Variants in MMRN1 observed in about 807,000 individuals in gnomAD.
MMRN1 encodes the protein multimerin-1.
MMRN1 carries 94 observed loss-of-function variants against 100.7 expected under a neutral mutation model. The observed-to-expected ratio is 0.93, with a 90% CI of 0.79 to 1.11. The LOEUF (loss-of-function observed/expected upper bound fraction) is 1.11. Ranked by LOEUF, MMRN1 falls within the 50% of genes least tolerant of loss-of-function variation. The probability of loss-of-function intolerance (pLI) is 0.00; values close to 1 mark genes in which losing one functional copy is unlikely to be tolerated. For missense variants in MMRN1, 1,606 were observed against 1,439.1 expected (o/e 1.12, Z -1.88); for synonymous variants, 575 against 505.0 (o/e 1.14, Z -1.86).
In MMRN1 at chr4:89,899,178, G is replaced by A. The variant is rs149202456; in HGVS notation, c.623+3584G>A. 1.9e-4 allele frequency among the ~76,000 whole-genome samples: 29 copies of A among 151,560 alleles called. No homozygotes were observed. The South Asian group carries it at 2.9e-3, about 15-fold the overall frequency. On this transcript the variant is annotated intron_variant, in intron 1 of 7. Transcript: ENST00000264790. The stretch of plus-strand genomic sequence containing the variant: ...TTCTAGATTATTCAGGATTATTCTG[G>A]CATATTTTTGTTTCATCTTGTAGTT...
chr4:89,893,410 T>C (rs973983118), upstream of MMRN1, among the ~76,000 whole-genome samples: 4 of 152,056 alleles, frequency 2.6e-5, no homozygotes, highest in South Asian at 8.3e-4. Flanking sequence ...CAAGGAAGAA[T>C]TAGGCCTTAT....
intron 7 of MMRN1, 139 bp downstream of exon 7, chr4:89,951,890 C>A: frequency 1.0e-6 from 1 of 960,934 alleles, no homozygotes; most frequent in East Asian, 3.0e-5. Context: ...TCGAAACTTA[C>A]TGAAGAATGT....
rs773822697 is a variant in MMRN1, at chr4:89,895,577, C to A, written c.606C>A (p.Phe202Leu). 5 of 1,613,334 alleles carry A rather than the reference C, an allele frequency of 3.1e-6. No homozygotes were observed. Among genetic ancestry groups the A allele is most frequent in the Non-Finnish European group, 4.2e-6 (5 of 1,179,668 alleles). The change falls in exon 1 of 8, where the codon TTC becomes TTA. Residue 202 changes from phenylalanine to leucine, a missense_variant. Coordinates refer to ENST00000264790, the MANE Select transcript of MMRN1 (RefSeq NM_007351.3). ...SQRTDYQKSN[F>L]ETTRGKNWCA... The stretch of plus-strand genomic sequence containing the variant: ...GAACTGACTACCAAAAATCAAATTT[C>A]GAAACAACTAGAGGAAAGTAAGAAA...
Position 89,895,035 on chromosome 4 carries a change from A to G in MMRN1, c.64A>G (p.Asn22Asp). The G allele has an allele frequency of 6.2e-7, 1 of 1,613,886 alleles. No homozygotes were observed. The highest frequency in any genetic ancestry group is 2.2e-5 in the East Asian group (1 of 44,854). ...ATGGAGTGGGGGCATTGGGCTTAAC[A>G]ACAGTAAGCATTCTTGGACTATACC... The part of the protein sequence containing the change: ...SLWSGGIGLN[N>D]SKHSWTIPED... Residue 22 changes from asparagine (N) to aspartate (D), a missense_variant, in exon 1 of 8, where the codon AAC becomes GAC. Physicochemically the swap from Asn to Asp is conservative, Grantham distance 23. Transcript: ENST00000264790.
intron 7 of MMRN1, among the ~76,000 whole-genome samples, chr4:89,952,641 A>T (rs1192590358): frequency 6.6e-6 from 1 of 152,228 alleles, no homozygotes; most frequent in Non-Finnish European, 1.5e-5. Context: ...GCTTTAAAAC[A>T]TTCTGACATA....
At chr4:89,923,023 G>A (rs1722138573) in intron 3 of MMRN1, 145 bp from the exon 4 acceptor site, 8 of 652,936 alleles carry the variant, frequency 1.2e-5, no homozygotes, top group Admixed American at 2.8e-5. Context: ...GGTTGGGGGC[G>A]GAGCAGCTTA....
chr4:89,953,281 G>T lies in MMRN1; in HGVS notation c.3550G>T (p.Asp1184Tyr), dbSNP rs753756470. 2.5e-6 allele frequency: 4 copies of T among 1,613,900 alleles called. No homozygotes were observed. Among genetic ancestry groups the T allele is most frequent in the Non-Finnish European group, 3.4e-6 (4 of 1,179,836 alleles). ...SENINSEIHC[D>Y]RVLTGDALLE... ...AAATATTAACAGTGAAATACACTGTGATAGGGTTTTAACTGGGGATGCCTT... is the reference window on the plus strand; with the variant it reads ...AAATATTAACAGTGAAATACACTGTTATAGGGTTTTAACTGGGGATGCCTT... The change falls in exon 8 of 8, where the codon GAT becomes TAT. Residue 1184 changes from aspartate to tyrosine, a missense_variant. By Grantham distance (160) the Asp-to-Tyr change is radical. Coordinates refer to ENST00000264790, the MANE Select transcript of MMRN1 (RefSeq NM_007351.3).
At position 89,936,471 on chromosome 4, in the gene MMRN1, T is replaced by C. The variant is rs766527054; in HGVS notation, c.2791T>C (p.Cys931Arg). ...NKTLHEVLTM[C>R]HNASTSVSEL... ...AACTCTCCACGAAGTTTTAACAATG[T>C]GTCACAATGCTTCTACAAGTGTGTC... The change falls in exon 6 of 8, where the codon TGT becomes CGT. Residue 931 changes from cysteine to arginine, a missense_variant. Transcript: ENST00000264790. 6 of 1,613,080 alleles carry C rather than the reference T, an allele frequency of 3.7e-6. No individual in the cohort carries two copies. In the South Asian group the frequency reaches 6.6e-5, roughly 18 times the overall value.
At chr4:89,897,325 C>A (rs1245548681) in intron 1 of MMRN1, among the ~76,000 whole-genome samples, 1 of 152,062 alleles carries the variant, frequency 6.6e-6, no homozygotes, top group Non-Finnish European at 1.5e-5. Context: ...TCTCTTGCCT[C>A]AGCCTTCTGA....
rs746417980 is a variant in MMRN1, at chr4:89,934,996, C to A, written c.1316C>A (p.Ala439Asp). The change falls in exon 6 of 8, where the codon GCC (alanine) becomes GAC (aspartate). Residue 439 changes from alanine to aspartate, a missense_variant. Coordinates refer to ENST00000264790, the MANE Select transcript of MMRN1 (RefSeq NM_007351.3). ...AATGAATCTGTGGTTTCAATAGCAG[C>A]CCAGCAAAAGTTTGTTTTGGTGCAA... ...KVNESVVSIA[A>D]QQKFVLVQEN... is the part of the protein sequence containing the mutation. 2.5e-6 allele frequency: 4 copies of A among 1,612,708 alleles called. No individual in the cohort carries two copies. In the Admixed American group the frequency reaches 6.7e-5, roughly 27 times the overall value.
chr4:89,915,287 A>G (rs1246270407), intron 3 of MMRN1, among the ~76,000 whole-genome samples: 3 of 151,628 alleles, frequency 2.0e-5, no homozygotes, highest in Non-Finnish European at 1.5e-5. Context: ...CTTTCACAAT[A>G]AAATTATGAT....
intron 1 of MMRN1, among the ~76,000 whole-genome samples, chr4:89,885,599 T>G (rs1207637276): frequency 6.6e-6 from 1 of 152,114 alleles, no homozygotes; most frequent in Non-Finnish European, 1.5e-5. Context: ...GATTTTTAGT[T>G]TTCTAAATGT....
intron 1 of MMRN1, among the ~76,000 whole-genome samples, chr4:89,907,525 T>A (rs2110593029): frequency 6.6e-6 from 1 of 151,578 alleles, no homozygotes; most frequent in Admixed American, 6.6e-5. Context: ...GTTGATTTTT[T>A]TAAAAAACAA....
At position 89,934,822 on chromosome 4, in the gene MMRN1, A is replaced by G; in HGVS notation, c.1142A>G (p.Lys381Arg). 6.8e-7 allele frequency: 1 copy of G among 1,478,572 alleles called. No homozygotes were observed. The highest frequency in any genetic ancestry group is 9.0e-7 in the Non-Finnish European group (1 of 1,109,078). The allele number at this position is 1,478,572 out of a possible 1,614,324, so 91.6% of individuals were successfully genotyped here. A position where few individuals can be genotyped will look rare whatever the true frequency, so the allele number is the denominator to read the frequency against. Residue 381 changes from lysine (K) to arginine (R), a missense_variant, in exon 6 of 8, where the codon AAA becomes AGA. Transcript: ENST00000264790. ...TTTCTTTCTCTAGGTCTAAAATCCA[A>G]AAGCATTAATGTACTGATAAGAGAC... is the stretch of plus-strand genomic sequence containing the variant. ...FQSLLKGLKS[K>R]SINVLIRDIV...
intron 3 of MMRN1, among the ~76,000 whole-genome samples, chr4:89,912,941 T>G (rs1721801245): frequency 6.6e-6 from 1 of 151,248 alleles, no homozygotes; most frequent in Non-Finnish European, 1.5e-5. Context: ...CATAATGCTA[T>G]TTGTTCTGGG....
intron 1 of MMRN1, 96 bp from the exon 2 acceptor site, chr4:89,909,180 A>G (rs1721661624): frequency 7.6e-7 from 1 of 1,320,898 alleles, no homozygotes; most frequent in Admixed American, 2.2e-5. Context: ...GATCTATAGT[A>G]TGGCAAAAAT....
chr4:89,945,055 T>G (rs1722946302), intron 6 of MMRN1, among the ~76,000 whole-genome samples: 1 of 152,180 alleles, frequency 6.6e-6, no homozygotes, highest in African/African-American at 2.4e-5. Context: ...TGATCTGTTT[T>G]CTTCCCAGAC....
intron 3 of MMRN1, among the ~76,000 whole-genome samples, chr4:89,914,069 C>G (rs1283639057): frequency 1.3e-5 from 2 of 151,208 alleles, no homozygotes; most frequent in African/African-American, 4.8e-5. Context: ...GTATTAGGAA[C>G]TACTGTGTCC....
intron 6 of MMRN1, among the ~76,000 whole-genome samples, chr4:89,949,465 A>T (rs1205415113): frequency 6.6e-6 from 1 of 152,220 alleles, no homozygotes; most frequent in Non-Finnish European, 1.5e-5. Context: ...TTTGATACAG[A>T]ATATTCACAT....
Sources: allele counts gnomAD v4.1 joint callset (sites outside exome capture counted in the v4.1 genomes callset), GRCh38; gene constraint gnomAD v4.1.1; transcripts MANE v1.5; gene names NCBI Gene and HGNC (gene_info 2026-07-23, HGNC 2026-07-21).